The following EPHA5 variants were observed in gnomAD, a reference collection of about 807,000 sequenced individuals.
EPHA5 encodes ephrin type-A receptor 5.
EPHA5 carries 60 observed loss-of-function variants against 105.0 expected under a neutral mutation model. That is an observed-to-expected ratio of 0.57 (90% CI 0.46 to 0.71). The LOEUF is 0.71. Among genes scored for constraint, EPHA5 ranks in the 30% least tolerant of loss-of-function variants. EPHA5 has a pLI of 0.00. For synonymous variants in EPHA5, 513 were observed against 449.1 expected, an observed-to-expected ratio of 1.14 and a Z score of -1.80; for missense variants, 1,218 against 1,274.7, an observed-to-expected ratio of 0.96 and a Z score of 0.68.
At chr4:65,461,518 C>A (rs1359246394) in intron 5 of EPHA5, among the ~76,000 whole-genome samples, 2 of 152,004 alleles carry the variant, frequency 1.3e-5, no homozygotes, top group Non-Finnish European at 2.9e-5. Flanking sequence ...TCAGCATTAT[C>A]TTTTGCTATT....
At chr4:65,365,786 A>G in intron 10 of EPHA5, 146 bp downstream of exon 10, 2 of 734,838 alleles carry the variant, frequency 2.7e-6, no homozygotes, top group Non-Finnish European at 2.0e-6. Flanking sequence ...TGAAGGTTGT[A>G]TTAAAATGTG....
chr4:65,412,987 C>A (rs1723054148), intron 7 of EPHA5, among the ~76,000 whole-genome samples: 1 of 152,034 alleles, frequency 6.6e-6, no homozygotes. Flanking sequence ...AGTTGGTAGA[C>A]CACATAAGCA....
At chr4:65,425,222 G>A (rs566980894) in intron 5 of EPHA5, among the ~76,000 whole-genome samples, 7 of 152,066 alleles carry the variant, frequency 4.6e-5, no homozygotes, top group South Asian at 4.1e-4. Flanking sequence ...GTCCCTACAC[G>A]TCAGTCATGT....
chr4:65,345,839 C>G (rs1339978126), intron 14 of EPHA5, among the ~76,000 whole-genome samples: 4 of 151,904 alleles, frequency 2.6e-5, no homozygotes, highest in Admixed American at 6.6e-5. Flanking sequence ...GTGGCGCAAT[C>G]TCGGCTCACT....
At chr4:65,478,305 G>T (rs1730028012) in intron 5 of EPHA5, among the ~76,000 whole-genome samples, 1 of 152,110 alleles carries the variant, frequency 6.6e-6, no homozygotes, top group Non-Finnish European at 1.5e-5. Flanking sequence ...TCTCATATCT[G>T]TCCTTAGAAA....
intron 5 of EPHA5, among the ~76,000 whole-genome samples, chr4:65,466,854 GTT>G (rs1728770684): frequency 6.6e-6 from 1 of 152,150 alleles, no homozygotes; most frequent in African/African-American, 2.4e-5. Flanking sequence ...CGAAAGTCCT[GTT>G]ATTAAAGTCA....
At chr4:65,380,668 T>G in intron 8 of EPHA5, among the ~76,000 whole-genome samples, 1 of 151,830 alleles carries the variant, frequency 6.6e-6, no homozygotes. Context: ...AATATTTTTA[T>G]TTTACTTGTA....
At chr4:65,534,127 T>C (rs1440509869) in intron 3 of EPHA5, among the ~76,000 whole-genome samples, 1 of 152,166 alleles carries the variant, frequency 6.6e-6, no homozygotes, top group Non-Finnish European at 1.5e-5. Flanking sequence ...GGACAATGTA[T>C]GAATGGCTTA....
chr4:65,431,674 A>G (rs1214274912), intron 5 of EPHA5, among the ~76,000 whole-genome samples: 1 of 152,162 alleles, frequency 6.6e-6, no homozygotes, highest in Non-Finnish European at 1.5e-5. Flanking sequence ...GCAATCAACA[A>G]TTCCACGTGT....
chr4:65,573,576 G>T lies in EPHA5; in HGVS notation c.910+28065C>A. 5 of 1,598,534 alleles carry T rather than the reference G, an allele frequency of 3.1e-6. No individual in the cohort carries two copies. In the South Asian group the frequency reaches 5.5e-5, roughly 18 times the overall value. On this transcript the variant is annotated intron_variant, in intron 3 of 16. Coordinates refer to ENST00000613740, the MANE Select transcript of EPHA5 (RefSeq NM_001281766.3). ...CCTCAAAGCTAAAAAGCCCAAGAAG[G>T]GGAAGCCCCGTTGCAGCCGCAACCC...
chr4:65,664,193 A>T (rs1183154619), intron 1 of EPHA5, among the ~76,000 whole-genome samples: 1 of 151,942 alleles, frequency 6.6e-6, no homozygotes, highest in Non-Finnish European at 1.5e-5. Flanking sequence ...ATACTTAAAA[A>T]ATAGATCATT....
intron 8 of EPHA5, among the ~76,000 whole-genome samples, chr4:65,389,913 C>T (rs1348071837): frequency 1.3e-5 from 2 of 151,938 alleles, no homozygotes; most frequent in Non-Finnish European, 2.9e-5. Context: ...GGAGGTCAAA[C>T]CTTGCCAACT....
chr4:65,492,896 T>A (rs1434567310), intron 4 of EPHA5, among the ~76,000 whole-genome samples: 2 of 152,174 alleles, frequency 1.3e-5, no homozygotes, highest in Non-Finnish European at 2.9e-5. Flanking sequence ...TACAAAGTTA[T>A]AGACAAAATG....
chr4:65,596,525 C>A (rs1400163564), intron 3 of EPHA5, among the ~76,000 whole-genome samples: 1 of 151,954 alleles, frequency 6.6e-6, no homozygotes, highest in East Asian at 1.9e-4. Context: ...ACGCAGAGTA[C>A]TCTCAAAAAT....
intron 16 of EPHA5, chr4:65,331,396 G>A: frequency 9.6e-7 from 1 of 1,043,968 alleles, no homozygotes; most frequent in Non-Finnish European, 1.2e-6. Flanking sequence ...ACAGAAAAGG[G>A]CACAATTGGT....
At chr4:65,456,405 A>G (rs1727592980) in intron 5 of EPHA5, among the ~76,000 whole-genome samples, 1 of 152,112 alleles carries the variant, frequency 6.6e-6, no homozygotes, top group Non-Finnish European at 1.5e-5. Flanking sequence ...AGCATAATGT[A>G]GAAGCTGATC....
intron 1 of EPHA5, among the ~76,000 whole-genome samples, chr4:65,649,988 C>T (rs1027765379): frequency 6.6e-6 from 1 of 152,100 alleles, no homozygotes; most frequent in African/African-American, 2.4e-5. Flanking sequence ...TCACACTACA[C>T]CAAAAATTCT....
intron 1 of EPHA5, among the ~76,000 whole-genome samples, chr4:65,654,418 A>G (rs1748884885): frequency 6.6e-6 from 1 of 151,918 alleles, no homozygotes; most frequent in South Asian, 2.1e-4. Flanking sequence ...CATTCATTAA[A>G]CAAATATTTA....
intron 5 of EPHA5, among the ~76,000 whole-genome samples, chr4:65,453,032 C>T (rs1364477636): frequency 6.6e-6 from 1 of 152,108 alleles, no homozygotes; most frequent in Non-Finnish European, 1.5e-5. Context: ...TTTAGTGACT[C>T]AGAATTATTA....
Sources: allele counts gnomAD v4.1 joint callset (sites outside exome capture counted in the v4.1 genomes callset), GRCh38; gene constraint gnomAD v4.1.1; transcripts MANE v1.5; gene names NCBI Gene and HGNC (gene_info 2026-07-23, HGNC 2026-07-21).